Variants in FRMD4A observed in about 807,000 individuals in gnomAD.
FRMD4A encodes FERM domain containing 4A, also known as FERM domain-containing protein 4A.
Under a neutral mutation model 129.1 loss-of-function variants are expected in FRMD4A, and 29 were observed. The observed-to-expected ratio is 0.22, with a 90% confidence interval of 0.17 to 0.31. The LOEUF is 0.31. FRMD4A is among the 10% of genes least tolerant of loss of function. The probability of loss-of-function intolerance (pLI) is 1.00; values close to 1 mark genes in which losing one functional copy is unlikely to be tolerated. For synonymous variants in FRMD4A, 634 were observed against 571.6 expected (o/e 1.11, Z -1.56); for missense variants, 1,272 against 1,375.8 (o/e 0.92, Z 1.19).
chr10:14,015,361 C>T (rs2095695823), intron 2 of FRMD4A, among the ~76,000 whole-genome samples: 1 of 143,900 alleles, frequency 6.9e-6, no homozygotes, highest in Admixed American at 7.3e-5. Context: ...CTTCCCTTTT[C>T]TCCTTCCTTC....
chr10:13,732,253 G>A (rs761729125), intron 12 of FRMD4A, among the ~76,000 whole-genome samples: 77 of 152,180 alleles, frequency 5.1e-4, no homozygotes, highest in Non-Finnish European at 4.7e-4. Context: ...AATGAGGGAC[G>A]GGCTACTGTT....
chr10:14,169,094 G>A (rs1841341044), intron 2 of FRMD4A, among the ~76,000 whole-genome samples: 1 of 128,324 alleles, frequency 7.8e-6, no homozygotes, highest in Admixed American at 8.5e-5. Flanking sequence ...CCTATTTCTG[G>A]TTTTATTGGC....
intron 2 of FRMD4A, among the ~76,000 whole-genome samples, chr10:14,150,832 G>A (rs572727162): frequency 6.6e-6 from 1 of 152,236 alleles, no homozygotes; most frequent in South Asian, 2.1e-4. Flanking sequence ...ATGAAACAAG[G>A]TGAAAACACA....
chr10:13,761,655 A>G lies in FRMD4A; in HGVS notation c.456T>C (p.Asp152=). The G allele has an allele frequency of 6.2e-7, 1 of 1,605,712 alleles. No individual in the cohort carries two copies. Among genetic ancestry groups the G allele is most frequent in the South Asian group, 1.1e-5 (1 of 89,850 alleles). ...CAAAATTGTAAACTTACCTAGAAAAATCTCCCTTTGCCTCCTGTAGAAGAA... is the reference window on the plus strand; with the variant it reads ...CAAAATTGTAAACTTACCTAGAAAAGTCTCCCTTTGCCTCCTGTAGAAGAA... The part of the protein sequence containing the change: ...ASYILQEAKG[D]FSSNEVVRSD... The change falls in exon 8 of 25, where the codon GAT becomes GAC. Residue 152 remains aspartate, a synonymous_variant. Transcript: ENST00000357447.
At chr10:14,207,963 G>A (rs1842833328) in intron 2 of FRMD4A, among the ~76,000 whole-genome samples, 1 of 152,108 alleles carries the variant, frequency 6.6e-6, no homozygotes. Flanking sequence ...CACTTTGGGA[G>A]GCTGAGGCCA....
chr10:13,824,205 C>T (rs926010887), intron 3 of FRMD4A, among the ~76,000 whole-genome samples: 2 of 151,060 alleles, frequency 1.3e-5, no homozygotes, highest in East Asian at 1.9e-4. Context: ...AGGCTGGGTG[C>T]GGTGTCTCCC....
At chr10:13,711,570 A>C (rs2088024713) in intron 12 of FRMD4A, among the ~76,000 whole-genome samples, 1 of 152,242 alleles carries the variant, frequency 6.6e-6, no homozygotes, top group South Asian at 2.1e-4. Flanking sequence ...CGGTTCCCTT[A>C]GGGATTTGTG....
chr10:13,750,109 G>GAAAGAAAGAAAGAAAGAAAGAAAGAAAGA (rs59377985), intron 8 of FRMD4A, among the ~76,000 whole-genome samples: 1 of 73,576 alleles, frequency 1.4e-5, no homozygotes, highest in Non-Finnish European at 2.6e-5. Context: ...AGAAAGAAAT[G>GAAAGAAAGAAAGAAAGAAAGAAAGAAAGA]AAGAAAGAAA....
At chr10:13,910,888 G>GAAAAAAAAA (rs141449954) in intron 2 of FRMD4A, among the ~76,000 whole-genome samples, 4 of 83,096 alleles carry the variant, frequency 4.8e-5, no homozygotes, top group African/African-American at 2.0e-4. Context: ...GGAGTTTCAT[G>GAAAAAAAAA]AAAAAAAAAA....
intron 2 of FRMD4A, among the ~76,000 whole-genome samples, chr10:14,020,658 C>T (rs1202055927): frequency 6.6e-6 from 1 of 150,992 alleles, no homozygotes; most frequent in Non-Finnish European, 1.5e-5. Flanking sequence ...GGAAAAAAGG[C>T]AGCCCCAATT....
At chr10:13,736,050 G>T (rs2090611081) in intron 12 of FRMD4A, among the ~76,000 whole-genome samples, 1 of 152,164 alleles carries the variant, frequency 6.6e-6, no homozygotes, top group Non-Finnish European at 1.5e-5. Context: ...TACTGGAAAG[G>T]CTGAGGCATG....
chr10:14,044,622 G>A (rs990263908), intron 2 of FRMD4A, among the ~76,000 whole-genome samples: 5 of 152,226 alleles, frequency 3.3e-5, no homozygotes, highest in Non-Finnish European at 5.9e-5. Context: ...AGCTGGGAGA[G>A]GGCACAGAAC....
chr10:13,989,635 A>G (rs936514451), intron 2 of FRMD4A, among the ~76,000 whole-genome samples: 20 of 152,270 alleles, frequency 1.3e-4, no homozygotes, highest in African/African-American at 4.8e-4. Context: ...CCAATAATTG[A>G]TTTTAAATAA....
rs1189183253 is a variant in FRMD4A, at chr10:14,177,517, A to T, written c.45+152541T>A. ...AAGAGTTTTATCCTTGATATTAAAA[A>T]AAATATATCTCTGGTACAATTGATT... is the stretch of plus-strand genomic sequence containing the variant. On this transcript the variant is annotated intron_variant, in intron 2 of 24. Transcript: ENST00000357447. 2.0e-5 allele frequency among the ~76,000 whole-genome samples: 3 copies of T among 152,232 alleles called. 1 individual carries two copies.
At chr10:13,778,765 G>A (rs2092665236) in intron 6 of FRMD4A, among the ~76,000 whole-genome samples, 1 of 152,078 alleles carries the variant, frequency 6.6e-6, no homozygotes, top group African/African-American at 2.4e-5. Flanking sequence ...CACGAGGAGA[G>A]CCTCCCTCCA....
intron 2 of FRMD4A, among the ~76,000 whole-genome samples, chr10:14,029,643 C>T (rs1242771140): frequency 6.6e-6 from 1 of 152,124 alleles, no homozygotes; most frequent in Non-Finnish European, 1.5e-5. Context: ...CACAGTGGAT[C>T]AGAATCAGTC....
rs563596293 is a variant in FRMD4A, at chr10:14,245,356, G to A, written c.45+84702C>T. 5.9e-5 allele frequency among the ~76,000 whole-genome samples: 9 copies of A among 152,286 alleles called. No individual in the cohort carries two copies. The East Asian group carries it at 7.7e-4, about 13-fold the overall frequency. On this transcript the variant is annotated intron_variant, in intron 2 of 24. Transcript: ENST00000357447. ...TATAGTTTCCTCTTGTGCAAAATGC[G>A]GATGACCAAGGGATTGCTTTGTGAA...
chr10:13,705,709 C>T (rs1352159036), intron 13 of FRMD4A, among the ~76,000 whole-genome samples: 1 of 152,130 alleles, frequency 6.6e-6, no homozygotes, highest in East Asian at 1.9e-4. Context: ...GATCTGTGCT[C>T]CATGGAGTGG....
intron 2 of FRMD4A, among the ~76,000 whole-genome samples, chr10:13,970,716 C>T (rs1565137881): frequency 2.0e-5 from 3 of 152,208 alleles, no homozygotes; most frequent in Non-Finnish European, 4.4e-5. Flanking sequence ...CCCCACTCCC[C>T]ACGCAATCTG....
Sources: gnomAD v4.1 joint callset for allele counts (sites outside exome capture counted in the v4.1 genomes callset) on GRCh38, gnomAD v4.1.1 for gene constraint, MANE v1.5 for transcripts, NCBI Gene and HGNC (gene_info 2026-07-23, HGNC 2026-07-21) for gene names.